Variants in FSTL4 observed in about 807,000 individuals in gnomAD.
The protein encoded by FSTL4 is follistatin-related protein 4.
FSTL4 carries 28 observed loss-of-function variants against 78.2 expected under a neutral mutation model. The observed-to-expected ratio is 0.36, with a 90% CI of 0.27 to 0.49. The LOEUF (loss-of-function observed/expected upper bound fraction) is 0.49, where lower values mean the gene tolerates loss of function less well. Among genes scored for constraint, FSTL4 ranks in the 20% least tolerant of loss-of-function variants. The pLI, the probability that FSTL4 is intolerant of heterozygous loss-of-function variation, is 0.98. For missense variants in FSTL4, 922 were observed against 1,084.9 expected, an observed-to-expected ratio of 0.85 and a Z score of 2.11; for synonymous variants, 422 against 440.5, an observed-to-expected ratio of 0.96 and a Z score of 0.53.
intron 3 of FSTL4, among the ~76,000 whole-genome samples, chr5:133,457,341 C>T (rs553281469): frequency 1.3e-5 from 2 of 152,256 alleles, no homozygotes; most frequent in South Asian, 2.1e-4. Flanking sequence ...TGCTACCTGG[C>T]CTGACATTTT....
chr5:133,292,643 A>C (rs566331578), intron 6 of FSTL4, among the ~76,000 whole-genome samples: 3 of 152,070 alleles, frequency 2.0e-5, no homozygotes, highest in East Asian at 1.9e-4. Flanking sequence ...ATTAAAAAAA[A>C]CCTTCATTTT....
At chr5:133,815,128 G>C in the FSTL4 span, among the ~76,000 whole-genome samples, 1 of 152,210 alleles carries the variant, frequency 6.6e-6, no homozygotes. Flanking sequence ...AAAGGACAGA[G>C]ATATGGATAC....
chr5:133,206,180 G>C (rs1364440858), intron 14 of FSTL4, among the ~76,000 whole-genome samples: 1 of 137,108 alleles, frequency 7.3e-6, no homozygotes, highest in East Asian at 2.4e-4. Flanking sequence ...TTGAGGACTT[G>C]ACAAAACTCA....
intron 4 of FSTL4, among the ~76,000 whole-genome samples, chr5:133,382,625 C>T (rs1055531053): frequency 6.6e-6 from 1 of 152,136 alleles, no homozygotes; most frequent in South Asian, 2.1e-4. Context: ...ATTCACAGGA[C>T]CATGAACGGT....
chr5:133,405,233 G>C (rs1004929922), intron 3 of FSTL4, among the ~76,000 whole-genome samples: 2 of 152,210 alleles, frequency 1.3e-5, no homozygotes, highest in Admixed American at 6.5e-5. Flanking sequence ...TCAATGAGGT[G>C]ATGGCTTGGC....
the FSTL4 span, among the ~76,000 whole-genome samples, chr5:133,786,022 G>A: frequency 2.6e-5 from 4 of 152,178 alleles, no homozygotes; most frequent in South Asian, 2.1e-4. Context: ...CACCCACGAT[G>A]TGCTGGCATG....
At chr5:133,310,971 G>A (rs1156898021) in intron 6 of FSTL4, among the ~76,000 whole-genome samples, 1 of 152,182 alleles carries the variant, frequency 6.6e-6, no homozygotes, top group Non-Finnish European at 1.5e-5. Context: ...GCAGGAGAGA[G>A]GGTCTTGTCC....
chr5:133,275,405 C>T (rs1752858132), intron 6 of FSTL4, among the ~76,000 whole-genome samples: 1 of 151,994 alleles, frequency 6.6e-6, no homozygotes, highest in South Asian at 2.1e-4. Context: ...ATTAAAAATA[C>T]AGAAATTAGC....
In FSTL4 at chr5:133,236,576, G is replaced by C. The variant is rs984367455; in HGVS notation, c.895-3039C>G. Among the ~76,000 whole-genome samples the C allele has an allele frequency of 6.6e-6, 1 of 152,184 alleles. No individual in the cohort carries two copies. Among genetic ancestry groups the C allele is most frequent in the Non-Finnish European group, 1.5e-5 (1 of 68,032 alleles). The stretch of plus-strand genomic sequence containing the variant: ...CTCTGGCCAGCTGCCACCTTCCTGG[G>C]TGATGCCAGGGACCCCGGCTTCCGG... On this transcript the variant is annotated intron_variant, in intron 7 of 15. Coordinates refer to ENST00000265342, the MANE Select transcript of FSTL4 (RefSeq NM_015082.2). This position sits in a 1 kb window ranked among gnomAD's most constrained non-coding sequence, Gnocchi z 5.0.
intron 6 of FSTL4, among the ~76,000 whole-genome samples, chr5:133,281,224 G>C (rs1053939207): frequency 7.2e-5 from 11 of 152,132 alleles, no homozygotes; most frequent in Admixed American, 1.3e-4. Context: ...CCTGGTATTT[G>C]TGATCTGCAT....
intron 4 of FSTL4, among the ~76,000 whole-genome samples, chr5:133,347,032 A>C (rs1754710494): frequency 6.6e-6 from 1 of 152,132 alleles, no homozygotes; most frequent in Non-Finnish European, 1.5e-5. Context: ...AAAATTTAAA[A>C]ATTTTTCCTT....
intron 6 of FSTL4, among the ~76,000 whole-genome samples, chr5:133,277,365 G>A (rs1752907368): frequency 6.6e-6 from 1 of 152,000 alleles, no homozygotes; most frequent in Non-Finnish European, 1.5e-5. Context: ...GTAGGAGGAC[G>A]GGTATGGGGA....
the FSTL4 span, among the ~76,000 whole-genome samples, chr5:133,830,249 T>G: frequency 6.6e-6 from 1 of 152,184 alleles, no homozygotes; most frequent in Non-Finnish European, 1.5e-5. Flanking sequence ...GCTGCCTCAG[T>G]GATGAGTTAA....
intron 3 of FSTL4, among the ~76,000 whole-genome samples, chr5:133,492,767 C>T (rs905085211): frequency 6.6e-6 from 1 of 151,612 alleles, no homozygotes; most frequent in East Asian, 1.9e-4. Context: ...GTTTCTTCTC[C>T]CTCACTTCCT....
At chr5:133,740,067 G>C in the FSTL4 span, among the ~76,000 whole-genome samples, 1 of 152,060 alleles carries the variant, frequency 6.6e-6, no homozygotes, top group Non-Finnish European at 1.5e-5. Context: ...ATTTTTTGTA[G>C]AGACAGGGTT....
intron 1 of FSTL4, among the ~76,000 whole-genome samples, chr5:133,609,230 T>A (rs1761038335): frequency 1.3e-5 from 2 of 152,234 alleles, no homozygotes; most frequent in Non-Finnish European, 2.9e-5. Context: ...TTTGTGACCC[T>A]GAAGCATCTG....
the FSTL4 span, among the ~76,000 whole-genome samples, chr5:133,725,574 C>T: frequency 4.6e-5 from 7 of 152,322 alleles, no homozygotes; most frequent in South Asian, 6.2e-4. Flanking sequence ...TTTACCAAAT[C>T]TTCTCACCTC....
intron 4 of FSTL4, among the ~76,000 whole-genome samples, chr5:133,386,573 C>A (rs957719459): frequency 6.6e-6 from 1 of 152,074 alleles, no homozygotes; most frequent in African/African-American, 2.4e-5. Context: ...AGTTGTTTAC[C>A]CTGAGAACCA....
At chr5:133,239,546 A>G (rs1751770738) in intron 7 of FSTL4, among the ~76,000 whole-genome samples, 1 of 151,730 alleles carries the variant, frequency 6.6e-6, no homozygotes, top group South Asian at 2.1e-4. Context: ...TGTCTAGCTC[A>G]TGGTTTGTGA....
Sources: gnomAD v4.1 joint callset for allele counts (sites outside exome capture counted in the v4.1 genomes callset) on GRCh38, gnomAD v4.1.1 for gene constraint, Gnocchi (gnomAD v3.1) non-coding constraint, MANE v1.5 for transcripts, NCBI Gene and HGNC (gene_info 2026-07-23, HGNC 2026-07-21) for gene names.